SLC13A3: variants seen among roughly 807,000 people sequenced by gnomAD.
SLC13A3 encodes the protein solute carrier family 13 member 3.
Under a neutral mutation model 59.0 loss-of-function variants are expected in SLC13A3, and 40 were observed. The ratio of observed to expected loss-of-function variants is 0.68; its 90% CI spans 0.53 to 0.88. SLC13A3 has a LOEUF of 0.88. SLC13A3 is among the 40% of genes least tolerant of loss of function. The pLI, the probability that SLC13A3 is intolerant of heterozygous loss-of-function variation, is 0.00. For synonymous variants in SLC13A3, 317 were observed against 330.3 expected, an observed-to-expected ratio of 0.96 and a Z score of 0.44; for missense variants, 699 against 783.2, an observed-to-expected ratio of 0.89 and a Z score of 1.28.
intron 9 of SLC13A3, among the ~76,000 whole-genome samples, chr20:46,578,332 T>C (rs1330009416): frequency 1.3e-5 from 2 of 152,134 alleles, no homozygotes; most frequent in Non-Finnish European, 2.9e-5. Context: ...CAGAGAAAAT[T>C]TGTCTCCTTG....
At chr20:46,652,424 T>C (rs966664353), upstream of SLC13A3, among the ~76,000 whole-genome samples, 1 of 152,160 alleles carries the variant, frequency 6.6e-6, no homozygotes. Context: ...AGTCTCACTC[T>C]GTAACCCAGG....
intron 1 of SLC13A3, among the ~76,000 whole-genome samples, chr20:46,631,256 C>A (rs1453243575): frequency 6.6e-6 from 1 of 152,090 alleles, no homozygotes; most frequent in East Asian, 1.9e-4. Flanking sequence ...TCCAGAACAG[C>A]CCCCTACAAT....
intron 9 of SLC13A3, among the ~76,000 whole-genome samples, chr20:46,576,249 T>C (rs1191400807): frequency 6.6e-6 from 1 of 152,118 alleles, no homozygotes; most frequent in Admixed American, 6.5e-5. Context: ...TACTCCGTCG[T>C]TGTAGCATGA....
chr20:46,647,925 C>A (rs1015798473), intron 1 of SLC13A3, among the ~76,000 whole-genome samples: 1 of 152,206 alleles, frequency 6.6e-6, no homozygotes, highest in African/African-American at 2.4e-5. Context: ...TCTGCAGTTT[C>A]GCAAGTTGTT....
chr20:46,613,787 C>T (rs1281212613), intron 1 of SLC13A3, 62 bp from the exon 2 acceptor site: 2 of 1,478,244 alleles, frequency 1.4e-6, no homozygotes, highest in African/African-American at 2.8e-5. Flanking sequence ...GGAAGGAGGC[C>T]CAGGGCTCAG....
intron 1 of SLC13A3, among the ~76,000 whole-genome samples, chr20:46,663,291 CA>C (rs1568963184): frequency 6.6e-6 from 1 of 151,828 alleles, no homozygotes; most frequent in Non-Finnish European, 1.5e-5. Flanking sequence ...AAAAAAATTA[CA>C]AAATTAGCAG....
At chr20:46,613,434 G>A (rs780756526) in intron 2 of SLC13A3, 26 bp downstream of exon 2, 2 of 1,544,902 alleles carry the variant, frequency 1.3e-6, no homozygotes, top group South Asian at 2.5e-5. Context: ...CTCCGCTGTA[G>A]GGCTGGAACC....
intron 12 of SLC13A3, among the ~76,000 whole-genome samples, chr20:46,561,370 G>A (rs1207599509): frequency 6.6e-6 from 1 of 152,104 alleles, no homozygotes; most frequent in East Asian, 1.9e-4. Context: ...CTTAACTTAG[G>A]CAAAATAAAC....
At chr20:46,644,500 C>T (rs1200761589) in intron 1 of SLC13A3, among the ~76,000 whole-genome samples, 1 of 151,866 alleles carries the variant, frequency 6.6e-6, no homozygotes, top group Non-Finnish European at 1.5e-5. Flanking sequence ...GGTTAAATTG[C>T]CAAAAAAATA....
At chr20:46,674,604 CGTGTGTGT>C (rs58582046), upstream of SLC13A3, among the ~76,000 whole-genome samples, 11 of 127,954 alleles carry the variant, frequency 8.6e-5, no homozygotes, top group African/African-American at 1.3e-4. Flanking sequence ...CGCGCGCGCG[CGTGTGTGT>C]GTGTGTGTGT....
At chr20:46,612,904 C>T (rs1019679385) in intron 2 of SLC13A3, among the ~76,000 whole-genome samples, 3 of 152,202 alleles carry the variant, frequency 2.0e-5, no homozygotes, top group Non-Finnish European at 4.4e-5. Flanking sequence ...CCCCCACCTT[C>T]AACTCCCACC....
chr20:46,631,210 G>C (rs183751458), intron 1 of SLC13A3, among the ~76,000 whole-genome samples: 1 of 152,180 alleles, frequency 6.6e-6, no homozygotes, highest in Non-Finnish European at 1.5e-5. Flanking sequence ...CATCTAGTGA[G>C]TACAGGACAG....
chr20:46,595,862 C>T (rs2062306800), intron 5 of SLC13A3, among the ~76,000 whole-genome samples: 1 of 152,104 alleles, frequency 6.6e-6, no homozygotes. Flanking sequence ...GACCAACCTA[C>T]ATAAACTAGC....
At chr20:46,603,593 G>A (rs1706360066) in intron 3 of SLC13A3, among the ~76,000 whole-genome samples, 1 of 143,022 alleles carries the variant, frequency 7.0e-6, no homozygotes, top group Non-Finnish European at 1.5e-5. Flanking sequence ...TTGCTATGTT[G>A]CCCAGGCTGG....
chr20:46,652,618 A>ACTCCTGGCCTCATGATCCGCCCT, upstream of SLC13A3, among the ~76,000 whole-genome samples: 1 of 146,694 alleles, frequency 6.8e-6, no homozygotes, highest in Non-Finnish European at 1.5e-5. Flanking sequence ...CTGGTCTCGA[A>ACTCCTGGCCTCATGATCCGCCCT]CTCCTGGCCT....
upstream of SLC13A3, among the ~76,000 whole-genome samples, chr20:46,674,604 C>CGTGTGTGTGTGTGTGT (rs58582046): frequency 3.9e-5 from 5 of 127,880 alleles, no homozygotes; most frequent in South Asian, 2.7e-4. Flanking sequence ...CGCGCGCGCG[C>CGTGTGTGTGTGTGTGT]GTGTGTGTGT....
chr20:46,651,312 T>C lies in SLC13A3; in HGVS notation c.110A>G (p.Lys37Arg). 1 of 1,504,152 alleles carries C rather than the reference T, an allele frequency of 6.6e-7. No homozygotes were observed. Among genetic ancestry groups the C allele is most frequent in the Non-Finnish European group, 8.9e-7 (1 of 1,128,214 alleles). The allele number at this position is 1,504,152 out of a possible 1,614,324, so 93.2% of individuals were successfully genotyped here. Residue 37 changes from lysine to arginine, a missense_variant and splice_region_variant, in exon 1 of 13, where the codon AAG becomes AGG. Coordinates refer to ENST00000279027, the MANE Select transcript of SLC13A3 (RefSeq NM_022829.6). Reference sequence around the variant, plus strand: ...GCGCACAGGCGGAGGAGGCGTTACCTTGGGCGGGAGGGCGAAGACCACCGG... The same window carrying C: ...GCGCACAGGCGGAGGAGGCGTTACCCTGGGCGGGAGGGCGAAGACCACCGG... ...LLPVVFALPP[K>R]EGRCLFVILL...
At chr20:46,569,979 A>G (rs1402449817) in intron 10 of SLC13A3, among the ~76,000 whole-genome samples, 2 of 152,220 alleles carry the variant, frequency 1.3e-5, no homozygotes, top group Non-Finnish European at 2.9e-5. Context: ...GGCTTTGTAA[A>G]ACACAACGGG....
chr20:46,648,514 G>A (rs1156421188), intron 1 of SLC13A3, among the ~76,000 whole-genome samples: 1 of 152,054 alleles, frequency 6.6e-6, no homozygotes, highest in Non-Finnish European at 1.5e-5. Context: ...ACTTAAAGAG[G>A]CAGTGACATC....
Sources: allele counts gnomAD v4.1 joint callset (sites outside exome capture counted in the v4.1 genomes callset), GRCh38; gene constraint gnomAD v4.1.1; transcripts MANE v1.5; gene names NCBI Gene and HGNC (gene_info 2026-07-23, HGNC 2026-07-21).